FAM222A: variants seen among roughly 807,000 people sequenced by gnomAD.
FAM222A encodes family with sequence similarity 222 member A.
Under a neutral mutation model 25.8 loss-of-function variants are expected in FAM222A, and 7 were observed. The observed-to-expected ratio is 0.27, with a 90% CI of 0.15 to 0.51. FAM222A has a LOEUF of 0.51. Among genes scored for constraint, FAM222A ranks in the 20% least tolerant of loss-of-function variants. FAM222A has a pLI of 0.97. For synonymous variants in FAM222A, 294 were observed against 298.8 expected, an observed-to-expected ratio of 0.98 and a Z score of 0.17; for missense variants, 573 against 640.5, an observed-to-expected ratio of 0.89 and a Z score of 1.14.
At chr12:109,766,082 C>G (rs1889041696) in intron 2 of FAM222A, among the ~76,000 whole-genome samples, 1 of 152,174 alleles carries the variant, frequency 6.6e-6, no homozygotes. Context: ...TGTACCTCAC[C>G]CCCTACTGAG....
chr12:109,750,790 A>T (rs933954168), intron 2 of FAM222A, among the ~76,000 whole-genome samples: 1 of 151,760 alleles, frequency 6.6e-6, no homozygotes, highest in East Asian at 1.9e-4. Context: ...AAAAAAAAAA[A>T]GTTCCTGGTT....
At position 109,769,418 on chromosome 12, in the gene FAM222A, G is replaced by T. The variant is rs1297694420; in HGVS notation, c.*130G>T. 9 of 1,206,790 alleles carry T rather than the reference G, an allele frequency of 7.5e-6. No individual in the cohort carries two copies. The South Asian group carries it at 1.4e-4, about 19-fold the overall frequency. The allele number at this position is 1,206,790 out of a possible 1,614,324, so 74.8% of individuals were successfully genotyped here. ...CCTGCTGATGCCCACAGGGGAGCCA[G>T]GCTGGCTGCCGCCTCGCTGTGGCCG... On this transcript the variant is annotated 3_prime_UTR_variant, in exon 3 of 3. Coordinates refer to ENST00000538780, the MANE Select transcript of FAM222A (RefSeq NM_032829.3).
chr12:109,751,969 G>A (rs1888571537), intron 2 of FAM222A, among the ~76,000 whole-genome samples: 1 of 152,286 alleles, frequency 6.6e-6, no homozygotes, highest in South Asian at 2.1e-4. Flanking sequence ...CTTCCCTGAT[G>A]GACATTTAGG....
At chr12:109,755,858 G>T (rs1218605913) in intron 2 of FAM222A, among the ~76,000 whole-genome samples, 1 of 152,168 alleles carries the variant, frequency 6.6e-6, no homozygotes, top group East Asian at 1.9e-4. Context: ...GTACCACATT[G>T]TCTTGATTCC....
chr12:109,750,349 T>C (rs2074979755), intron 2 of FAM222A, among the ~76,000 whole-genome samples: 1 of 151,958 alleles, frequency 6.6e-6, no homozygotes, highest in Non-Finnish European at 1.5e-5. Context: ...TTTAATGATA[T>C]GTTTTGATTC....
chr12:109,716,686 AAC>A (rs1474761748), intron 1 of FAM222A, among the ~76,000 whole-genome samples: 3 of 152,172 alleles, frequency 2.0e-5, no homozygotes, highest in African/African-American at 7.2e-5. Context: ...GAGATTCACA[AAC>A]ACAGGCAGTT....
At position 109,769,456 on chromosome 12, in the gene FAM222A, C is replaced by A; in HGVS notation, c.*168C>A. ...CTCGCTGTGGCCGGATGGAGGGTGG[C>A]AGGGCAACCTCACATACCAAGGCCC... On this transcript the variant is annotated 3_prime_UTR_variant, in exon 3 of 3. Coordinates refer to ENST00000538780, the MANE Select transcript of FAM222A (RefSeq NM_032829.3). 1 of 830,232 alleles carries A rather than the reference C, an allele frequency of 1.2e-6. No homozygotes were observed. Among genetic ancestry groups the A allele is most frequent in the East Asian group, 2.7e-5 (1 of 37,178 alleles). 51.4% of individuals were successfully genotyped at this position (830,232 alleles called of 1,614,324 possible).
Position 109,769,314 on chromosome 12 carries a change from TGCGGACAG to T in FAM222A, c.*28_*35del. On this transcript the variant is annotated 3_prime_UTR_variant, in exon 3 of 3. Coordinates refer to ENST00000538780, the MANE Select transcript of FAM222A (RefSeq NM_032829.3). ...GGCCTGCCCTGCGGACATACGGACA[TGCGGACAG>T]GGCGCAGAGCCGGGAGGCAGGCCGC... The T allele has an allele frequency of 6.3e-7, 1 of 1,578,256 alleles. No individual in the cohort carries two copies. Among genetic ancestry groups the T allele is most frequent in the Non-Finnish European group, 8.6e-7 (1 of 1,162,270 alleles).
At chr12:109,755,233 C>T (rs1251995351) in intron 2 of FAM222A, among the ~76,000 whole-genome samples, 5 of 148,690 alleles carry the variant, frequency 3.4e-5, no homozygotes, top group Non-Finnish European at 7.4e-5. Flanking sequence ...ATATACACTC[C>T]TGTGTTTTAA....
intron 2 of FAM222A, among the ~76,000 whole-genome samples, chr12:109,765,491 T>A (rs1053545508): frequency 1.3e-5 from 2 of 152,222 alleles, no homozygotes; most frequent in South Asian, 2.1e-4. Context: ...CCTGACTACT[T>A]CTCTGCCTCA....
At chr12:109,753,390 C>T (rs1490757157) in intron 2 of FAM222A, among the ~76,000 whole-genome samples, 2 of 152,132 alleles carry the variant, frequency 1.3e-5, no homozygotes, top group Admixed American at 6.5e-5. Flanking sequence ...TTGGGACTGT[C>T]TAAGGGTCAA....
At chr12:109,736,283 T>A (rs1011243608) in intron 1 of FAM222A, among the ~76,000 whole-genome samples, 3 of 152,172 alleles carry the variant, frequency 2.0e-5, no homozygotes, top group Non-Finnish European at 4.4e-5. Context: ...TTCCCCTAGC[T>A]TTTTCCTACT....
At chr12:109,717,624 G>T (rs1887668510) in intron 1 of FAM222A, among the ~76,000 whole-genome samples, 1 of 152,202 alleles carries the variant, frequency 6.6e-6, no homozygotes, top group Non-Finnish European at 1.5e-5. Context: ...GAGTGGCTGT[G>T]TCCTGGAGCC....
chr12:109,714,228 C>T lies in FAM222A; in HGVS notation c.-716C>T. ...CCGCCGCCGCCGCCGCTGCCGCCGCCGCTGTTCGCCGGCTTCCCCTCCCCC... is the reference window on the plus strand; with the variant it reads ...CCGCCGCCGCCGCCGCTGCCGCCGCTGCTGTTCGCCGGCTTCCCCTCCCCC... On this transcript the variant is annotated 5_prime_UTR_variant, in exon 1 of 3. Transcript: ENST00000538780. This position sits in a 1 kb window ranked among gnomAD's most constrained non-coding sequence, Gnocchi z 4.2. 4.8e-6 allele frequency: 1 copy of T among 208,780 alleles called. No individual in the cohort carries two copies. Among genetic ancestry groups the T allele is most frequent in the Non-Finnish European group, 9.7e-6 (1 of 103,326 alleles). The allele number at this position is 208,780 out of a possible 1,614,324, so 12.9% of individuals were successfully genotyped here.
At chr12:109,739,196 C>T (rs1888167707) in intron 1 of FAM222A, among the ~76,000 whole-genome samples, 1 of 152,266 alleles carries the variant, frequency 6.6e-6, no homozygotes, top group Admixed American at 6.5e-5. Context: ...CAGGTGTGTC[C>T]TCCTCCTATT....
At chr12:109,756,465 A>G (rs571784811) in intron 2 of FAM222A, among the ~76,000 whole-genome samples, 1 of 149,166 alleles carries the variant, frequency 6.7e-6, no homozygotes, top group Non-Finnish European at 1.5e-5. Flanking sequence ...GTGGAAAGAT[A>G]CTTTGTCTTA....
chr12:109,728,013 T>C (rs763406962), intron 1 of FAM222A, among the ~76,000 whole-genome samples: 1 of 151,968 alleles, frequency 6.6e-6, no homozygotes, highest in Non-Finnish European at 1.5e-5. Context: ...TCTCCTTAAC[T>C]GAGAAATGGA....
intron 2 of FAM222A, among the ~76,000 whole-genome samples, chr12:109,765,275 C>G (rs896924059): frequency 6.6e-6 from 1 of 152,240 alleles, no homozygotes; most frequent in African/African-American, 2.4e-5. Flanking sequence ...AGTGGCATCC[C>G]AGGCCATGAC....
chr12:109,762,467 T>G (rs1267731100), intron 2 of FAM222A, among the ~76,000 whole-genome samples: 4 of 152,194 alleles, frequency 2.6e-5, no homozygotes, highest in African/African-American at 9.6e-5. Context: ...CATGGCATCC[T>G]ATTTATTTGA....
Sources: gnomAD v4.1 joint callset for allele counts (sites outside exome capture counted in the v4.1 genomes callset) on GRCh38, gnomAD v4.1.1 for gene constraint, Gnocchi (gnomAD v3.1) non-coding constraint, MANE v1.5 for transcripts, NCBI Gene and HGNC (gene_info 2026-07-23, HGNC 2026-07-21) for gene names.